The following VSX2 variants were observed in gnomAD, a reference collection of about 807,000 sequenced individuals.
VSX2 encodes the protein visual system homeobox 2.
A neutral mutation model predicts 32.1 loss-of-function variants in VSX2; 28 were observed. That is an observed-to-expected ratio of 0.87 (90% CI 0.65 to 1.20). VSX2 has a LOEUF of 1.20. Ranked by LOEUF, VSX2 falls within the 50% of genes most tolerant of loss-of-function variation. The pLI is 0.00. For missense variants in VSX2, 506 were observed against 488.7 expected (o/e 1.04, Z -0.33); for synonymous variants, 243 against 214.1 (o/e 1.14, Z -1.18).
At chr14:74,257,718 C>CA (rs1346680242) in intron 3 of VSX2, among the ~76,000 whole-genome samples, 5 of 150,810 alleles carry the variant, frequency 3.3e-5, no homozygotes, top group South Asian at 2.1e-4. Flanking sequence ...CACCCCCCAC[C>CA]CACTTCCCCC....
intron 3 of VSX2, among the ~76,000 whole-genome samples, chr14:74,249,140 A>T (rs946973877): frequency 6.6e-6 from 1 of 152,244 alleles, no homozygotes; most frequent in African/African-American, 2.4e-5. Context: ...TGAGTCTGAA[A>T]TTACTCATTT....
intron 1 of VSX2, among the ~76,000 whole-genome samples, chr14:74,240,329 C>T (rs1021953410): frequency 1.3e-5 from 2 of 152,184 alleles, no homozygotes; most frequent in African/African-American, 2.4e-5. Context: ...CTCCTCGAGC[C>T]CGATGCTGTT....
chr14:74,248,898 T>A (rs2079212353), intron 3 of VSX2, among the ~76,000 whole-genome samples: 1 of 152,130 alleles, frequency 6.6e-6, no homozygotes, highest in South Asian at 2.1e-4. Flanking sequence ...CTCCTGAGTA[T>A]TCCCCCACCA....
chr14:74,258,985 T>G (rs529668388), intron 3 of VSX2, among the ~76,000 whole-genome samples: 16 of 152,320 alleles, frequency 1.1e-4, no homozygotes, highest in African/African-American at 3.4e-4. Flanking sequence ...ACATGTGGTT[T>G]GGCAGAGCTT....
Position 74,253,924 on chromosome 14 carries a change from C to T in VSX2, c.580-5678C>T, listed in dbSNP as rs539446167. ...CAGCCTGGGCAACAAGAGCGAAAAT[C>T]CGTCAAAAAAAGAAAGTAAAGAAAA... On this transcript the variant is annotated intron_variant, in intron 3 of 4. Coordinates refer to ENST00000261980, the MANE Select transcript of VSX2 (RefSeq NM_182894.3). 9.2e-5 allele frequency among the ~76,000 whole-genome samples: 14 copies of T among 151,448 alleles called. No homozygotes were observed. The South Asian group carries it at 2.9e-3, about 32-fold the overall frequency.
chr14:74,239,991 C>T (rs1007542485), intron 1 of VSX2, 60 bp downstream of exon 1: 104 of 1,534,384 alleles, frequency 6.8e-5, no homozygotes, highest in Non-Finnish European at 8.9e-5. Flanking sequence ...GAGCCCCGCG[C>T]CGTCGGCTCT....
chr14:74,260,617 G>C lies in VSX2; in HGVS notation c.784G>C (p.Ala262Pro), dbSNP rs1160830632. The change falls in exon 5 of 5, where the codon GCA (alanine) becomes CCA (proline). Residue 262 changes from alanine to proline, a missense_variant. By Grantham distance (27) the Ala-to-Pro change is conservative. Transcript: ENST00000261980. The part of the protein sequence containing the change: ...LLGMHKKSLE[A>P]AAESGRKPEG... Reference sequence around the variant, plus strand: ...AGGGATGCACAAAAAGTCGCTGGAGGCAGCAGCCGAGTCGGGGAGGAAGCC... The same window carrying C: ...AGGGATGCACAAAAAGTCGCTGGAGCCAGCAGCCGAGTCGGGGAGGAAGCC... The C allele has an allele frequency of 6.2e-7, 1 of 1,605,568 alleles. No individual in the cohort carries two copies. The highest frequency in any genetic ancestry group is 1.7e-5 in the Admixed American group (1 of 58,800).
At chr14:74,250,442 C>T (rs2079221101) in intron 3 of VSX2, among the ~76,000 whole-genome samples, 1 of 151,944 alleles carries the variant, frequency 6.6e-6, no homozygotes, top group Non-Finnish European at 1.5e-5. Context: ...TTATAAAATG[C>T]AAACATTACA....
In VSX2 at chr14:74,239,795, T is replaced by C; in HGVS notation, c.234T>C (p.Leu78=). The part of the protein sequence containing the change: ...LSPAGVGGMG[L]LGPGGLPGFY... Reference sequence around the variant, plus strand: ...CCGCGGGGGTGGGCGGCATGGGGCTTCTGGGGCCCGGGGGGCTCCCTGGCT... The same window carrying C: ...CCGCGGGGGTGGGCGGCATGGGGCTCCTGGGGCCCGGGGGGCTCCCTGGCT... The change falls in exon 1 of 5, where the codon CTT becomes CTC. Residue 78 remains leucine, a synonymous_variant. Transcript: ENST00000261980. 1.9e-6 allele frequency: 3 copies of C among 1,566,442 alleles called. No homozygotes were observed. Among genetic ancestry groups the C allele is most frequent in the Non-Finnish European group, 2.6e-6 (3 of 1,156,872 alleles).
At chr14:74,240,045 C>G (rs1005528146) in intron 1 of VSX2, 114 bp downstream of exon 1, 5 of 1,380,636 alleles carry the variant, frequency 3.6e-6, no homozygotes, top group Non-Finnish European at 4.8e-6. Context: ...TCCTGCCAGG[C>G]CGGGGGTCGC....
intron 3 of VSX2, among the ~76,000 whole-genome samples, chr14:74,248,714 A>AC (rs907031410): frequency 1.3e-5 from 2 of 151,588 alleles, no homozygotes; most frequent in Non-Finnish European, 2.9e-5. Flanking sequence ...CAAAAAAAAA[A>AC]AACAGAGAGA....
At chr14:74,259,309 G>A (rs558728497) in intron 3 of VSX2, among the ~76,000 whole-genome samples, 25 of 152,284 alleles carry the variant, frequency 1.6e-4, no homozygotes, top group Admixed American at 3.9e-4. Context: ...GGCAGGGCAG[G>A]CTTCTCAGCT....
chr14:74,245,366 A>G, intron 3 of VSX2, 78 bp downstream of exon 3: 1 of 1,588,714 alleles, frequency 6.3e-7, no homozygotes, highest in South Asian at 1.1e-5. Flanking sequence ...CCAGATGCCC[A>G]TGACCCCGCC....
At chr14:74,255,158 G>A (rs1393576521) in intron 3 of VSX2, among the ~76,000 whole-genome samples, 1 of 152,160 alleles carries the variant, frequency 6.6e-6, no homozygotes, top group Non-Finnish European at 1.5e-5. Flanking sequence ...AAGTCACACA[G>A]CAATTTTTCA....
intron 2 of VSX2, among the ~76,000 whole-genome samples, chr14:74,242,233 C>T (rs1165696983): frequency 6.6e-6 from 1 of 152,172 alleles, no homozygotes; most frequent in African/African-American, 2.4e-5. Flanking sequence ...CCCCGCACCC[C>T]ACTCCGTCCC....
intron 3 of VSX2, among the ~76,000 whole-genome samples, chr14:74,258,167 G>C (rs922010392): frequency 7.2e-5 from 11 of 152,206 alleles, no homozygotes; most frequent in Non-Finnish European, 1.2e-4. Context: ...GCGACGAGGC[G>C]AGTGCTGCCT....
At chr14:74,251,146 C>G (rs987415899) in intron 3 of VSX2, among the ~76,000 whole-genome samples, 1 of 151,928 alleles carries the variant, frequency 6.6e-6, no homozygotes, top group Non-Finnish European at 1.5e-5. Context: ...GAAACCTCGT[C>G]TCTACTAAAA....
Position 74,239,583 on chromosome 14 carries a change from G to T in VSX2, c.22G>T (p.Ala8Ser). Residue 8 changes from alanine (A) to serine (S), a missense_variant, in exon 1 of 5, where the codon GCG becomes TCG. Coordinates refer to ENST00000261980, the MANE Select transcript of VSX2 (RefSeq NM_182894.3). The part of the protein sequence containing the change: MTGKAGE[A>S]LSKPKSETVA... ...GGAGATGACGGGGAAAGCAGGGGAA[G>T]CGCTGAGCAAGCCCAAATCCGAGAC... The T allele has an allele frequency of 6.4e-7, 1 of 1,551,408 alleles. No homozygotes were observed. Among genetic ancestry groups the T allele is most frequent in the Admixed American group, 2.0e-5 (1 of 51,014 alleles).
chr14:74,252,624 T>C (rs1043237201), intron 3 of VSX2, among the ~76,000 whole-genome samples: 1 of 151,734 alleles, frequency 6.6e-6, no homozygotes. Context: ...ATCTTGGCCT[T>C]GTGATCCACC....
Sources: allele counts gnomAD v4.1 joint callset (sites outside exome capture counted in the v4.1 genomes callset), GRCh38; gene constraint gnomAD v4.1.1; transcripts MANE v1.5; gene names NCBI Gene and HGNC (gene_info 2026-07-23, HGNC 2026-07-21).